The following HHIPL1 variants were observed in gnomAD, a reference collection of about 807,000 sequenced individuals.
HHIPL1 encodes HHIP like 1.
In HHIPL1, 43 loss-of-function variants were observed where a neutral mutation model predicts 61.8. The ratio of observed to expected loss-of-function variants is 0.70; its 90% CI spans 0.55 to 0.90. The LOEUF is 0.90. Among genes scored for constraint, HHIPL1 ranks in the 40% least tolerant of loss-of-function variants. HHIPL1 has a pLI of 0.00. For synonymous variants in HHIPL1, 482 were observed against 515.8 expected, an observed-to-expected ratio of 0.93 and a Z score of 0.89; for missense variants, 1,056 against 1,157.7, an observed-to-expected ratio of 0.91 and a Z score of 1.28.
chr14:99,640,344 G>T (rs1328970538), upstream of HHIPL1, among the ~76,000 whole-genome samples: 1 of 152,092 alleles, frequency 6.6e-6, no homozygotes, highest in African/African-American at 2.4e-5. Flanking sequence ...GAGTGCAGTG[G>T]CACAGTCTTG....
chr14:99,660,436 G>T lies in HHIPL1; in HGVS notation c.1502+30G>T. On this transcript the variant is annotated intron_variant, in intron 5 of 8. Transcript: ENST00000330710. This position sits in a 1 kb window ranked among gnomAD's most constrained non-coding sequence, Gnocchi z 4.9. ...GTGACCTAGTGCCCTCGCGCCCCTGGCTGCTGCCACTGGCTCCTTGGGACT... is the reference window on the plus strand; with the variant it reads ...GTGACCTAGTGCCCTCGCGCCCCTGTCTGCTGCCACTGGCTCCTTGGGACT... The T allele has an allele frequency of 6.3e-7, 1 of 1,597,532 alleles. No homozygotes were observed. The highest frequency in any genetic ancestry group is 8.6e-7 in the Non-Finnish European group (1 of 1,168,884).
chr14:99,654,350 A>G (rs2055993139), intron 2 of HHIPL1, among the ~76,000 whole-genome samples: 1 of 152,182 alleles, frequency 6.6e-6, no homozygotes, highest in Admixed American at 6.6e-5. Context: ...ACCCAGTGGA[A>G]GCTGGAGCCA....
At chr14:99,657,187 C>G in intron 3 of HHIPL1, 44 bp downstream of exon 3, 1 of 1,601,038 alleles carries the variant, frequency 6.2e-7, no homozygotes, top group Non-Finnish European at 8.5e-7. Flanking sequence ...TCTCCATATC[C>G]CTGGGCTTCT....
Position 99,659,853 on chromosome 14 carries a change from C to CCG in HHIPL1, c.1375+98_1375+99insGC. 7 of 566,518 alleles carry CCG rather than the reference C, an allele frequency of 1.2e-5. No homozygotes were observed. The South Asian group carries it at 1.9e-4, about 15-fold the overall frequency. The allele number at this position is 566,518 out of a possible 1,614,324, so 35.1% of individuals were successfully genotyped here. ...GCCTCCCTCGGAGACCGCACCCCCC[C>CCG]CCCCCCGGAGATCCCTGACCCTGAG... On this transcript the variant is annotated intron_variant, in intron 4 of 8. Coordinates refer to ENST00000330710, the MANE Select transcript of HHIPL1 (RefSeq NM_001127258.3).
At chr14:99,672,848 C>G (rs1422902538) in intron 8 of HHIPL1, among the ~76,000 whole-genome samples, 1 of 152,122 alleles carries the variant, frequency 6.6e-6, no homozygotes, top group Non-Finnish European at 1.5e-5. Context: ...AAGGGGATGC[C>G]CCAGGCTGGG....
At chr14:99,631,230 T>C in the HHIPL1 span, among the ~76,000 whole-genome samples, 1 of 151,904 alleles carries the variant, frequency 6.6e-6, no homozygotes, top group Non-Finnish European at 1.5e-5. Context: ...CCAGAGTAGC[T>C]GGATTACAGG....
In HHIPL1 at chr14:99,675,841, G is replaced by A. The variant is rs2056386173; in HGVS notation, c.*215G>A. ...GTTGGGGGCGGTGTGGGCTCTGGAAGTGCATGGTCCATCATGGGCGGGAGG... is the reference window on the plus strand; with the variant it reads ...GTTGGGGGCGGTGTGGGCTCTGGAAATGCATGGTCCATCATGGGCGGGAGG... On this transcript the variant is annotated 3_prime_UTR_variant, in exon 9 of 9. Coordinates refer to ENST00000330710, the MANE Select transcript of HHIPL1 (RefSeq NM_001127258.3). The surrounding 1 kb of genome is among the most constrained non-coding windows in gnomAD (Gnocchi z 5.4). The A allele has an allele frequency of 2.2e-6, 1 of 459,700 alleles. No individual in the cohort carries two copies. 28.5% of individuals were successfully genotyped at this position (459,700 alleles called of 1,614,324 possible).
chr14:99,612,263 G>T, the HHIPL1 span, among the ~76,000 whole-genome samples: 1 of 152,138 alleles, frequency 6.6e-6, no homozygotes, highest in African/African-American at 2.4e-5. Flanking sequence ...CTGCCCTTAT[G>T]ATTCAACTAT....
the HHIPL1 span, among the ~76,000 whole-genome samples, chr14:99,606,127 A>G: frequency 6.6e-6 from 1 of 152,180 alleles, no homozygotes; most frequent in Non-Finnish European, 1.5e-5. Context: ...CTCCAGACAG[A>G]TGGTCAGGGG....
chr14:99,629,252 GC>G, the HHIPL1 span, among the ~76,000 whole-genome samples: 1 of 152,346 alleles, frequency 6.6e-6, no homozygotes, highest in East Asian at 1.9e-4. Context: ...CTGCTGGACA[GC>G]CACAGGCTGG....
At chr14:99,672,233 C>A in intron 7 of HHIPL1, 84 bp from the exon 8 acceptor site, 4 of 1,048,694 alleles carry the variant, frequency 3.8e-6, no homozygotes, top group South Asian at 2.7e-5. Context: ...CGTTGCTGTT[C>A]ATACCTGCCT....
At chr14:99,635,266 C>T in the HHIPL1 span, among the ~76,000 whole-genome samples, 2 of 152,254 alleles carry the variant, frequency 1.3e-5, no homozygotes, top group South Asian at 4.2e-4. Flanking sequence ...CTCCGCCTGC[C>T]GTCCTGAGTG....
the HHIPL1 span, among the ~76,000 whole-genome samples, chr14:99,637,168 A>AAAAG: frequency 0.21 from 22,718 of 108,206 alleles, 3,595 homozygotes; most frequent in Non-Finnish European, 0.26. Flanking sequence ...GAAAGAAAGA[A>AAAAG]AAAGAAAGAA....
At chr14:99,622,113 G>A in the HHIPL1 span, among the ~76,000 whole-genome samples, 17 of 152,212 alleles carry the variant, frequency 1.1e-4, no homozygotes, top group Non-Finnish European at 2.4e-4. Flanking sequence ...CCTGAAAGCA[G>A]GCTATTCTTG....
chr14:99,611,322 C>A, the HHIPL1 span, among the ~76,000 whole-genome samples: 1 of 144,780 alleles, frequency 6.9e-6, no homozygotes, highest in Non-Finnish European at 1.5e-5. Flanking sequence ...GAGATGGAGT[C>A]TCACTCTGTC....
chr14:99,611,150 G>GTTCA, the HHIPL1 span, among the ~76,000 whole-genome samples: 1 of 152,086 alleles, frequency 6.6e-6, no homozygotes, highest in African/African-American at 2.4e-5. Context: ...TTGTTTGTTT[G>GTTCA]TTCATTTGAG....
intron 2 of HHIPL1, 128 bp from the exon 3 acceptor site, chr14:99,656,870 AGG>A (rs1566810090): frequency 0.018 from 1,431 of 79,204 alleles, 331 homozygotes; most frequent in African/African-American, 0.033. Context: ...GAAGGAAGGA[AGG>A]AAGGAAGGAA....
Position 99,674,785 on chromosome 14 carries a change from G to A in HHIPL1, c.1814-306G>A, listed in dbSNP as rs2056366679. 3.3e-5 allele frequency among the ~76,000 whole-genome samples: 5 copies of A among 152,168 alleles called. No homozygotes were observed. The South Asian group carries it at 1.0e-3, about 32-fold the overall frequency. ...AACCTAGGGACTCCTGGGAAGGTGG[G>A]GCTTGGGGTAGGGAGACGCAGCAAC... On this transcript the variant is annotated intron_variant, in intron 8 of 8. Coordinates refer to ENST00000330710, the MANE Select transcript of HHIPL1 (RefSeq NM_001127258.3).
At chr14:99,642,495 T>G (rs2055764402), upstream of HHIPL1, among the ~76,000 whole-genome samples, 1 of 152,040 alleles carries the variant, frequency 6.6e-6, no homozygotes, top group Non-Finnish European at 1.5e-5. Context: ...GCATTTCTGT[T>G]ACATTGTTTT....
Sources: gnomAD v4.1 joint callset for allele counts (sites outside exome capture counted in the v4.1 genomes callset) on GRCh38, gnomAD v4.1.1 for gene constraint, Gnocchi (gnomAD v3.1) non-coding constraint, MANE v1.5 for transcripts, NCBI Gene and HGNC (gene_info 2026-07-23, HGNC 2026-07-21) for gene names.